The following SMC6 variants were observed in gnomAD, a reference collection of about 807,000 sequenced individuals.
The protein encoded by SMC6 is structural maintenance of chromosomes 6, also known as structural maintenance of chromosomes protein 6.
Under a neutral mutation model 142.2 loss-of-function variants are expected in SMC6, and 79 were observed. That is an observed-to-expected ratio of 0.56 (90% confidence interval 0.46 to 0.67). SMC6 has a LOEUF of 0.67. SMC6 is among the 30% of genes least tolerant of loss of function. The pLI, the probability that SMC6 is intolerant of heterozygous loss-of-function variation, is 0.00. For missense variants in SMC6, 1,072 were observed against 1,284.0 expected, an observed-to-expected ratio of 0.83 and a Z score of 2.52; for synonymous variants, 411 against 412.4, an observed-to-expected ratio of 1.00 and a Z score of 0.04.
intron 25 of SMC6, among the ~76,000 whole-genome samples, chr2:17,673,570 T>C (rs1245033987): frequency 6.7e-6 from 1 of 150,144 alleles, no homozygotes; most frequent in African/African-American, 2.5e-5. Context: ...AAATTTTTTT[T>C]TTTAAATTTT....
chr2:17,721,193 A>G lies in SMC6; in HGVS notation c.795T>C (p.Ser265=), dbSNP rs1222008929. 1 of 1,612,382 alleles carries G rather than the reference A, an allele frequency of 6.2e-7. No individual in the cohort carries two copies. Among genetic ancestry groups the G allele is most frequent in the South Asian group, 1.1e-5 (1 of 90,416 alleles). ...AGGACTCTAAATTAGTCTTCATTGT[A>G]CTTAAACCAGCAATACTTTGAAAAC... The part of the protein sequence containing the change: ...EERFQSIAGL[S]TMKTNLESLK... The change falls in exon 10 of 28, where the codon AGT becomes AGC. Residue 265 remains serine, a synonymous_variant. Coordinates refer to ENST00000448223, the MANE Select transcript of SMC6 (RefSeq NM_001142286.2).
intron 9 of SMC6, 58 bp downstream of exon 9, chr2:17,725,199 G>T (rs564249948): frequency 1.8e-6 from 2 of 1,108,420 alleles, no homozygotes; most frequent in African/African-American, 1.6e-5. Flanking sequence ...ATCATTTACT[G>T]TAAGTACTAT....
At chr2:17,676,754 G>C (rs1277473274) in intron 25 of SMC6, among the ~76,000 whole-genome samples, 2 of 151,956 alleles carry the variant, frequency 1.3e-5, no homozygotes, top group Non-Finnish European at 2.9e-5. Context: ...TCAGTGTACA[G>C]GTCTTAAATA....
chr2:17,716,975 C>T (rs1054003905), intron 13 of SMC6, 70 bp from the exon 14 acceptor site: 43 of 1,528,524 alleles, frequency 2.8e-5, no homozygotes, highest in Middle Eastern at 1.8e-4. Context: ...GAACACAAAC[C>T]GATGTAATAA....
At chr2:17,738,531 CA>C (rs968953578) in intron 4 of SMC6, among the ~76,000 whole-genome samples, 12 of 151,560 alleles carry the variant, frequency 7.9e-5, no homozygotes, top group Non-Finnish European at 1.8e-4. Context: ...CCATTATTAG[CA>C]AAAAAAATAG....
At chr2:17,749,011 C>T (rs914819588) in intron 2 of SMC6, among the ~76,000 whole-genome samples, 4 of 152,126 alleles carry the variant, frequency 2.6e-5, no homozygotes, top group Admixed American at 2.6e-4. Flanking sequence ...ATTAGGTTGC[C>T]ACGGTAACTT....
chr2:17,670,613 G>T lies in SMC6; in HGVS notation c.2911-38C>A, dbSNP rs2103469964. The T allele has an allele frequency of 6.7e-6, 10 of 1,486,898 alleles. No homozygotes were observed. The South Asian group carries it at 1.3e-4, about 19-fold the overall frequency. 92.1% of individuals were successfully genotyped at this position (1,486,898 alleles called of 1,614,324 possible). Reference sequence around the variant, plus strand: ...GAGTTGACAAGGAACAAAAAACTAAGTAAATGAAAGGCCAGATTAAATTCT... The same window carrying T: ...GAGTTGACAAGGAACAAAAAACTAATTAAATGAAAGGCCAGATTAAATTCT... On this transcript the variant is annotated intron_variant, in intron 25 of 27. Transcript: ENST00000448223.
chr2:17,740,857 C>CA (rs199834952), intron 4 of SMC6: 1,881 of 172,022 alleles, frequency 0.011, 23 homozygotes, highest in African/African-American at 0.022. Flanking sequence ...CTCAAAAAAA[C>CA]AAAAAACAAA....
intron 16 of SMC6, among the ~76,000 whole-genome samples, chr2:17,714,309 G>A (rs141289490): frequency 2.6e-5 from 4 of 152,014 alleles, no homozygotes; most frequent in South Asian, 2.1e-4. Flanking sequence ...GCCCAGGCTC[G>A]TCTTGAACTC....
intron 22 of SMC6, among the ~76,000 whole-genome samples, 197 bp downstream of exon 22, chr2:17,696,092 G>C (rs925942044): frequency 6.6e-6 from 1 of 152,152 alleles, no homozygotes; most frequent in African/African-American, 2.4e-5. Flanking sequence ...GACTGTCAGA[G>C]TCTTGCCTAT....
chr2:17,717,483 A>G (rs905658843), intron 12 of SMC6, among the ~76,000 whole-genome samples: 2 of 152,120 alleles, frequency 1.3e-5, no homozygotes, highest in African/African-American at 4.8e-5. Context: ...CACCCTGGCT[A>G]ACATGGTGAA....
rs527433587 is a variant in SMC6 at position 17,696,374 on chromosome 2, C to T, written c.2447G>A (p.Arg816Gln). The stretch of plus-strand genomic sequence containing the variant: ...TTCTTTTTGTTTTTCTTCATAATGT[C>T]GTTTCCCTCGTTTTTGGTTATCCAC... ...SEVDNQKRGK[R>Q]HYEEKQKEHL... The change falls in exon 22 of 28, where the codon CGA becomes CAA. Residue 816 changes from arginine (R) to glutamine (Q), a missense_variant. Arg to Gln is a conservative substitution (Grantham distance 43, BLOSUM62 1). Transcript: ENST00000448223. 1.2e-5 allele frequency: 19 copies of T among 1,611,466 alleles called. No individual in the cohort carries two copies. Among genetic ancestry groups the T allele is most frequent in the South Asian group, 7.7e-5 (7 of 90,384 alleles).
intron 9 of SMC6, among the ~76,000 whole-genome samples, chr2:17,722,066 C>T (rs559432121): frequency 5.3e-4 from 80 of 152,130 alleles, no homozygotes; most frequent in East Asian, 3.9e-4. Context: ...ACACTGTAGA[C>T]CTTACTTTGT....
At chr2:17,724,910 GTTT>G (rs1669539817) in intron 9 of SMC6, among the ~76,000 whole-genome samples, 2 of 152,160 alleles carry the variant, frequency 1.3e-5, no homozygotes, top group Admixed American at 1.3e-4. Flanking sequence ...AAATATTGCA[GTTT>G]TTAAACTACT....
intron 23 of SMC6, among the ~76,000 whole-genome samples, chr2:17,685,261 A>G (rs529922236): frequency 6.6e-6 from 1 of 152,138 alleles, no homozygotes; most frequent in East Asian, 1.9e-4. Flanking sequence ...CAAATTTTTT[A>G]AGAACTAAAA....
At chr2:17,743,604 A>G (rs1558381672) in intron 3 of SMC6, among the ~76,000 whole-genome samples, 1 of 152,146 alleles carries the variant, frequency 6.6e-6, no homozygotes, top group Non-Finnish European at 1.5e-5. Flanking sequence ...TTATCAACCC[A>G]AGTCCACAGT....
At chr2:17,726,077 G>T (rs1489473976) in intron 8 of SMC6, among the ~76,000 whole-genome samples, 1 of 95,578 alleles carries the variant, frequency 1.0e-5, no homozygotes, top group Admixed American at 1.2e-4. Flanking sequence ...GACAGAGCAA[G>T]GCTCTGTCTT....
chr2:17,720,039 G>A (rs912271645), intron 11 of SMC6, among the ~76,000 whole-genome samples: 3 of 152,070 alleles, frequency 2.0e-5, no homozygotes, highest in East Asian at 3.9e-4. Flanking sequence ...CGGGGGAAGG[G>A]GAGTAAAGAA....
intron 5 of SMC6, among the ~76,000 whole-genome samples, chr2:17,734,436 G>C (rs974458238): frequency 2.6e-5 from 4 of 152,128 alleles, no homozygotes; most frequent in Admixed American, 2.6e-4. Flanking sequence ...TCTAATGAAC[G>C]GTTAAGGTTG....
Sources: allele counts gnomAD v4.1 joint callset (sites outside exome capture counted in the v4.1 genomes callset), GRCh38; gene constraint gnomAD v4.1.1; transcripts MANE v1.5; gene names NCBI Gene and HGNC (gene_info 2026-07-23, HGNC 2026-07-21).